The following MON2 variants were observed in gnomAD, a reference collection of about 807,000 sequenced individuals.
The protein encoded by MON2 is MON2 regulator of endosome-to-Golgi trafficking.
In MON2, 84 loss-of-function variants were observed where a neutral mutation model predicts 208.6. The ratio of observed to expected loss-of-function variants is 0.40; its 90% CI spans 0.34 to 0.48. MON2 has a LOEUF of 0.48. Among genes scored for constraint, MON2 ranks in the 20% least tolerant of loss-of-function variants. The pLI is 0.59. For synonymous variants in MON2, 660 were observed against 694.0 expected, an observed-to-expected ratio of 0.95 and a Z score of 0.77; for missense variants, 1,611 against 2,015.4, an observed-to-expected ratio of 0.80 and a Z score of 3.84.
In MON2 at chr12:62,500,806, G is replaced by C. The variant is rs753721541; in HGVS notation, c.589G>C (p.Val197Leu). The C allele has an allele frequency of 1.9e-6, 3 of 1,595,272 alleles. No individual in the cohort carries two copies. The highest frequency in any genetic ancestry group is 1.1e-5 in the South Asian group (1 of 87,672). Residue 197 changes from valine to leucine, a missense_variant, in exon 6 of 35, where the codon GTA becomes CTA. Val to Leu is a conservative substitution (Grantham distance 32). Coordinates refer to ENST00000393630, the MANE Select transcript of MON2 (RefSeq NM_015026.3). ...AGATATTATAGAACAACCAGTACTGGTACAAGGAAATAGTAACAGAAGATC... is the reference window on the plus strand; with the variant it reads ...AGATATTATAGAACAACCAGTACTGCTACAAGGAAATAGTAACAGAAGATC... ...HRDIIEQPVL[V>L]QGNSNRRSVS... is the part of the protein sequence containing the mutation.
At chr12:62,537,399 A>ACTAGTTTCTT in intron 15 of MON2, 136 bp downstream of exon 15, 1 of 700,152 alleles carries the variant, frequency 1.4e-6, no homozygotes, top group Non-Finnish European at 2.4e-6. Context: ...ACTAGAAGAA[A>ACTAGTTTCTT]CTAGTTTATG....
chr12:62,490,747 C>G (rs927513635), intron 2 of MON2, among the ~76,000 whole-genome samples: 3 of 151,874 alleles, frequency 2.0e-5, no homozygotes, highest in Non-Finnish European at 2.9e-5. Context: ...TATAAACTTC[C>G]TTTTTGATTA....
At chr12:62,558,138 C>G (rs2074064610) in intron 25 of MON2, among the ~76,000 whole-genome samples, 1 of 150,450 alleles carries the variant, frequency 6.6e-6, no homozygotes, top group African/African-American at 2.4e-5. Flanking sequence ...GCCACCATGC[C>G]CGGCTAATTT....
intron 8 of MON2, among the ~76,000 whole-genome samples, chr12:62,515,274 G>T (rs2071627487): frequency 6.6e-6 from 1 of 152,164 alleles, no homozygotes; most frequent in Non-Finnish European, 1.5e-5. Context: ...AGAAAATACA[G>T]TGTATACATA....
rs2074174101 is a variant in MON2 at position 62,560,903 on chromosome 12, A to G, written c.3822A>G (p.Thr1274=). 1 of 1,613,886 alleles carries G rather than the reference A, an allele frequency of 6.2e-7. No homozygotes were observed. Among genetic ancestry groups the G allele is most frequent in the South Asian group, 1.1e-5 (1 of 91,076 alleles). Residue 1274 remains threonine, a synonymous_variant, in exon 26 of 35, where the codon ACA becomes ACG. Transcript: ENST00000393630. The part of the protein sequence containing the change: ...LTFIPSQPFL[T]ALIQIFPALY... ...TTATTCCTAGCCAGCCTTTTCTTAC[A>G]GCTTTAATTCAGATATTTCCAGCTC... is the stretch of plus-strand genomic sequence containing the variant.
At chr12:62,552,725 G>T (rs1029485906) in intron 23 of MON2, among the ~76,000 whole-genome samples, 156 bp from the exon 24 acceptor site, 1 of 151,996 alleles carries the variant, frequency 6.6e-6, no homozygotes, top group African/African-American at 2.4e-5. Context: ...GACAGAAGAA[G>T]AGATGTTTTC....
At chr12:62,485,259 C>G (rs2069702901) in intron 2 of MON2, among the ~76,000 whole-genome samples, 1 of 152,170 alleles carries the variant, frequency 6.6e-6, no homozygotes, top group Non-Finnish European at 1.5e-5. Context: ...TTGATCTCAG[C>G]TAATCTATGA....
At chr12:62,564,126 G>C (rs10219765) in intron 26 of MON2, among the ~76,000 whole-genome samples, 58,181 of 151,762 alleles carry the variant, frequency 0.38, 11,496 homozygotes, top group African/African-American at 0.47. Context: ...TGGGTATGGG[G>C]AGCACTTGCA....
chr12:62,469,100 A>G (rs531565805), intron 1 of MON2, among the ~76,000 whole-genome samples: 11 of 147,236 alleles, frequency 7.5e-5, no homozygotes, highest in African/African-American at 2.5e-4. Flanking sequence ...CCACCACGAC[A>G]GGCTAATTTT....
chr12:62,547,095 G>C, intron 22 of MON2, 23 bp downstream of exon 22: 1 of 1,352,408 alleles, frequency 7.4e-7, no homozygotes, highest in Non-Finnish European at 9.7e-7. Flanking sequence ...AATTATTTGA[G>C]AAAAAATATG....
At chr12:62,554,452 C>A (rs1011350593) in intron 24 of MON2, among the ~76,000 whole-genome samples, 1 of 152,118 alleles carries the variant, frequency 6.6e-6, no homozygotes, top group Non-Finnish European at 1.5e-5. Context: ...AGTTCAGAGA[C>A]CACACTTTGA....
Position 62,561,005 on chromosome 12 carries a change from A to C in MON2, c.3924A>C (p.Ser1308=). The C allele has an allele frequency of 6.2e-7, 1 of 1,613,912 alleles. No individual in the cohort carries two copies. Among genetic ancestry groups the C allele is most frequent in the Non-Finnish European group, 8.5e-7 (1 of 1,179,828 alleles). The part of the protein sequence containing the change: ...KLGVILHSAI[S]VPISSDASPF... ...GAGTCATATTGCACAGTGCTATTTC[A>C]GTCCCAATAAGTTCAGATGCATCCC... Residue 1308 remains serine, a synonymous_variant, in exon 26 of 35, where the codon TCA becomes TCC. Transcript: ENST00000393630.
intron 34 of MON2, among the ~76,000 whole-genome samples, chr12:62,591,015 A>G (rs1415357076): frequency 6.6e-6 from 1 of 152,214 alleles, no homozygotes; most frequent in Non-Finnish European, 1.5e-5. Context: ...TGTCATCATA[A>G]CATACTTTTG....
chr12:62,522,611 G>A (rs2072108097), intron 8 of MON2, among the ~76,000 whole-genome samples: 1 of 152,164 alleles, frequency 6.6e-6, no homozygotes, highest in South Asian at 2.1e-4. Context: ...TTGGTATAGT[G>A]GAGTTTATGA....
At chr12:62,540,752 G>A (rs1237951292) in intron 19 of MON2, among the ~76,000 whole-genome samples, 1 of 151,800 alleles carries the variant, frequency 6.6e-6, no homozygotes, top group African/African-American at 2.4e-5. Context: ...AATATGGAAT[G>A]GAAATTAAAA....
At position 62,506,968 on chromosome 12, in the gene MON2, A is replaced by C. The variant is rs563124379; in HGVS notation, c.790-1318A>C. Among the ~76,000 whole-genome samples the C allele has an allele frequency of 3.9e-5, 6 of 152,330 alleles. No homozygotes were observed. The East Asian group carries it at 1.2e-3, about 29-fold the overall frequency. On this transcript the variant is annotated intron_variant, in intron 7 of 34. Coordinates refer to ENST00000393630, the MANE Select transcript of MON2 (RefSeq NM_015026.3). ...GGGATTACTCTTGGCTAATATAGGC[A>C]GGGAATTAACAGGTTAAGGAGTGCT...
chr12:62,499,778 C>T (rs2070733344), intron 5 of MON2, among the ~76,000 whole-genome samples: 1 of 151,672 alleles, frequency 6.6e-6, no homozygotes, highest in Non-Finnish European at 1.5e-5. Flanking sequence ...GAGGCTGAGG[C>T]AGGAGAATCA....
intron 11 of MON2, among the ~76,000 whole-genome samples, chr12:62,531,374 T>C (rs2072634872): frequency 6.6e-6 from 1 of 152,218 alleles, no homozygotes; most frequent in South Asian, 2.1e-4. Flanking sequence ...AGATCATTGA[T>C]TCATTTTGGA....
rs11337501 is a variant in MON2, at chr12:62,559,774, TAA to T, written c.3410-705_3410-704del. ...GGTAACAGAGTGTGATACCATCTCT[TAA>T]AAAAAAAAAAAGAAAAAAATTCTGC... On this transcript the variant is annotated intron_variant, in intron 25 of 34. Transcript: ENST00000393630. 831 of 145,000 alleles carry T rather than the reference TAA, an allele frequency of 5.7e-3. 7 individuals are homozygous for T. The highest frequency in any genetic ancestry group is 0.017 in the African/African-American group (663 of 39,528). 9.0% of individuals were successfully genotyped at this position (145,000 alleles called of 1,614,324 possible).
Sources: gnomAD v4.1 joint callset for allele counts (sites outside exome capture counted in the v4.1 genomes callset) on GRCh38, gnomAD v4.1.1 for gene constraint, MANE v1.5 for transcripts, NCBI Gene and HGNC (gene_info 2026-07-23, HGNC 2026-07-21) for gene names.